The following GPR155 variants were observed in gnomAD, a reference collection of about 807,000 sequenced individuals.
GPR155 encodes G protein-coupled receptor 155.
Under a neutral mutation model 93.1 loss-of-function variants are expected in GPR155, and 65 were observed. The observed-to-expected ratio is 0.70, with a 90% CI of 0.57 to 0.86. GPR155 has a LOEUF of 0.86. Ranked by LOEUF, GPR155 falls within the 40% of genes least tolerant of loss-of-function variation. GPR155 has a pLI of 0.00. For missense variants in GPR155, 838 were observed against 1,034.8 expected (o/e 0.81, Z 2.61); for synonymous variants, 319 against 360.1 (o/e 0.89, Z 1.29).
intron 11 of GPR155, among the ~76,000 whole-genome samples, chr2:174,450,878 T>G (rs950875998): frequency 8.5e-5 from 13 of 152,168 alleles, no homozygotes; most frequent in Non-Finnish European, 1.8e-4. Context: ...GGGGGAAGGT[T>G]CATAATGTTG....
intron 9 of GPR155, 56 bp from the exon 10 acceptor site, chr2:174,460,144 C>G (rs1231184581): frequency 4.0e-6 from 3 of 743,144 alleles, no homozygotes; most frequent in Non-Finnish European, 6.3e-6. Context: ...TCTTGATAAT[C>G]TTAGGGCACA....
At position 174,434,583 on chromosome 2, in the gene GPR155, A is replaced by C. The variant is rs1686720637; in HGVS notation, c.*1533T>G. 6.6e-6 allele frequency: 1 copy of C among 151,914 alleles called. No homozygotes were observed. Among genetic ancestry groups the C allele is most frequent in the South Asian group, 2.1e-4 (1 of 4,822 alleles). The allele number at this position is 151,914 out of a possible 1,614,324, so 9.4% of individuals were successfully genotyped here. ...AAAAGAAAAGACAAACTTTAAAAAA[A>C]AATAGTGCCTCTAGGTTTTTTTTGC... On this transcript the variant is annotated 3_prime_UTR_variant, in exon 16 of 16. Transcript: ENST00000392552.
chr2:174,444,696 A>G (rs923946749), intron 13 of GPR155, among the ~76,000 whole-genome samples: 4 of 151,898 alleles, frequency 2.6e-5, no homozygotes, highest in African/African-American at 9.7e-5. Flanking sequence ...GGGTTTCACC[A>G]TGTTGGCTAG....
Position 174,469,206 on chromosome 2 carries a change from C to T in GPR155, c.1027-139G>A, listed in dbSNP as rs543377544. On this transcript the variant is annotated intron_variant, in intron 4 of 15. Coordinates refer to ENST00000392552, the MANE Select transcript of GPR155 (RefSeq NM_152529.7). ...ACATTATAAAATCCAGCATGTTATC[C>T]AATACCATACTTCCCCTTTCTGAGA... The T allele has an allele frequency of 2.8e-5, 18 of 635,334 alleles. No homozygotes were observed. The South Asian group carries it at 4.0e-4, about 14-fold the overall frequency. The allele number at this position is 635,334 out of a possible 1,614,324, so 39.4% of individuals were successfully genotyped here.
At chr2:174,470,363 C>G in intron 4 of GPR155, 27 bp downstream of exon 4, 2 of 1,563,366 alleles carry the variant, frequency 1.3e-6, no homozygotes, top group Non-Finnish European at 1.7e-6. Flanking sequence ...AACACACCAT[C>G]AAACTTAGAA....
At chr2:174,446,446 T>G (rs1223036351) in intron 12 of GPR155, among the ~76,000 whole-genome samples, 165 bp downstream of exon 12, 2 of 151,906 alleles carry the variant, frequency 1.3e-5, no homozygotes, top group Non-Finnish European at 2.9e-5. Flanking sequence ...ATGATTCATC[T>G]CTTCCCCTCA....
At chr2:174,438,986 A>C (rs1308475446) in intron 15 of GPR155, among the ~76,000 whole-genome samples, 1 of 152,210 alleles carries the variant, frequency 6.6e-6, no homozygotes, top group East Asian at 1.9e-4. Flanking sequence ...ATTTTAAAGA[A>C]GAGGAAAACT....
At chr2:174,462,664 C>T (rs1291274497) in intron 7 of GPR155, among the ~76,000 whole-genome samples, 2 of 152,230 alleles carry the variant, frequency 1.3e-5, no homozygotes, top group Non-Finnish European at 2.9e-5. Context: ...ACATCCCCCT[C>T]TTCTGGTGCT....
In GPR155 at chr2:174,461,428, A is replaced by G. The variant is rs749511904; in HGVS notation, c.1534T>C (p.Ser512Pro). 3 of 1,613,086 alleles carry G rather than the reference A, an allele frequency of 1.9e-6. No individual in the cohort carries two copies. Among genetic ancestry groups the G allele is most frequent in the Middle Eastern group, 1.7e-4 (1 of 6,056 alleles). The change falls in exon 9 of 16, where the codon TCA (serine) becomes CCA (proline). Residue 512 changes from serine to proline, a missense_variant. Physicochemically the swap from Ser to Pro is moderately conservative, Grantham distance 74 (BLOSUM62 -1). Around this residue, in one of 3 missense-constraint regions of GPR155, gnomAD observed 663 missense variants for 790.1 expected, o/e 0.84. Coordinates refer to ENST00000392552, the MANE Select transcript of GPR155 (RefSeq NM_152529.7). ...TGTTCTTTTCCATAAAAGAAGGCTG[A>G]GTCAATGCTATCTCCATTGTGTTTT... ...TGKHNGDSID[S>P]AFFYGKEQMI...
At chr2:174,450,365 G>A (rs1403342385) in intron 11 of GPR155, among the ~76,000 whole-genome samples, 2 of 151,998 alleles carry the variant, frequency 1.3e-5, no homozygotes, top group African/African-American at 4.8e-5. Flanking sequence ...AAACTACTGG[G>A]TACTATGCTT....
At chr2:174,441,390 A>T (rs1165959777) in intron 14 of GPR155, among the ~76,000 whole-genome samples, 1 of 151,518 alleles carries the variant, frequency 6.6e-6, no homozygotes, top group Non-Finnish European at 1.5e-5. Context: ...TAATTTTACC[A>T]ATCAAATTAA....
intron 4 of GPR155, 59 bp from the exon 5 acceptor site, chr2:174,469,126 TTAAA>T: frequency 6.9e-7 from 1 of 1,455,496 alleles, no homozygotes. Flanking sequence ...ATTTTAAACT[TTAAA>T]TAACCACGGC....
chr2:174,450,629 C>G (rs1390631873), intron 11 of GPR155, among the ~76,000 whole-genome samples: 1 of 152,326 alleles, frequency 6.6e-6, no homozygotes, highest in African/African-American at 2.4e-5. Flanking sequence ...CACAGGAAGC[C>G]TTTGTTTTTC....
intron 2 of GPR155, among the ~76,000 whole-genome samples, chr2:174,479,883 T>A (rs773911769): frequency 5.3e-5 from 8 of 152,232 alleles, no homozygotes; most frequent in Admixed American, 6.5e-5. Context: ...AGTTTCTGAC[T>A]ATTTGTAGCT....
In GPR155 at chr2:174,444,272, G is replaced by A. The variant is rs528380894; in HGVS notation, c.2109+809C>T. Among the ~76,000 whole-genome samples the A allele has an allele frequency of 1.4e-4, 21 of 151,806 alleles. No homozygotes were observed. In the South Asian group the frequency reaches 2.5e-3, roughly 18 times the overall value. On this transcript the variant is annotated intron_variant, in intron 13 of 15. Transcript: ENST00000392552. Reference sequence around the variant, plus strand: ...CTCTACTAAAAATACAAAATTAGCCGGGCGTAGTGGTGCATGCCTGTAATC... The same window carrying A: ...CTCTACTAAAAATACAAAATTAGCCAGGCGTAGTGGTGCATGCCTGTAATC...
At position 174,445,061 on chromosome 2, in the gene GPR155, A is replaced by T; in HGVS notation, c.2109+20T>A. 1 of 1,287,676 alleles carries T rather than the reference A, an allele frequency of 7.8e-7. No homozygotes were observed. The highest frequency in any genetic ancestry group is 1.1e-6 in the Non-Finnish European group (1 of 882,752). 79.8% of individuals were successfully genotyped at this position (1,287,676 alleles called of 1,614,324 possible). ...ATCCAGGAAGACAAAAACCCCTCAA[A>T]GTTCTCCATAAATAAATACCTGACC... On this transcript the variant is annotated intron_variant, in intron 13 of 15. Transcript: ENST00000392552.
In GPR155 at chr2:174,453,747, C is replaced by T. The variant is rs137950489; in HGVS notation, c.1866G>A (p.Ser622=). The T allele has an allele frequency of 3.5e-4, 555 of 1,594,192 alleles. 1 individual carries two copies. Among genetic ancestry groups the T allele is most frequent in the Non-Finnish European group, 4.4e-4 (511 of 1,164,080 alleles). ...NTSTSEPVIP[S]FEKNNHCVSR... ...TCCAGAGGCACTTACTTTTCTCAAA[C>T]GAAGGAATCACAGGCTCACTGGTGC... Residue 622 remains serine (S), a synonymous_variant, in exon 11 of 16, where the codon TCG becomes TCA. Transcript: ENST00000392552.
At chr2:174,457,113 A>C (rs1216272574) in intron 10 of GPR155, among the ~76,000 whole-genome samples, 1 of 152,150 alleles carries the variant, frequency 6.6e-6, no homozygotes, top group Non-Finnish European at 1.5e-5. Flanking sequence ...GAAGTTCGAG[A>C]CCAGCCTGGC....
intron 2 of GPR155, among the ~76,000 whole-genome samples, chr2:174,480,328 C>A (rs1688283158): frequency 6.6e-6 from 1 of 152,060 alleles, no homozygotes; most frequent in Non-Finnish European, 1.5e-5. Context: ...TTAATATGTG[C>A]AATAACTTTG....
Sources: gnomAD v4.1 joint callset for allele counts (sites outside exome capture counted in the v4.1 genomes callset) on GRCh38, gnomAD v4.1.1 for gene constraint, gnomAD v4.1.1 regional missense constraint, MANE v1.5 for transcripts, NCBI Gene and HGNC (gene_info 2026-07-23, HGNC 2026-07-21) for gene names.